TRPC5: variants seen among roughly 807,000 people sequenced by gnomAD.
TRPC5 encodes short transient receptor potential channel 5.
In TRPC5, 9 loss-of-function variants were observed where a neutral mutation model predicts 56.5. The observed-to-expected ratio is 0.16, with a 90% CI of 0.10 to 0.28. The LOEUF is 0.28. Among genes scored for constraint, TRPC5 ranks in the 10% least tolerant of loss-of-function variants. The pLI is 1.00. For synonymous variants in TRPC5, 282 were observed against 278.5 expected (o/e 1.01, Z -0.13); for missense variants, 469 against 748.9 (o/e 0.63, Z 4.36).
At position 111,769,812 on chromosome X, in the gene TRPC5, A is replaced by G. The variant is rs1474214059; in HGVS notation, c.*6501T>C. Among the ~76,000 whole-genome samples, 1 of 111,950 alleles carries G rather than the reference A, an allele frequency of 8.9e-6. No homozygotes were observed. Among genetic ancestry groups the G allele is most frequent in the Non-Finnish European group, 1.9e-5 (1 of 53,149 alleles). On this transcript the variant is annotated 3_prime_UTR_variant, in exon 11 of 11. Coordinates refer to ENST00000262839, the MANE Select transcript of TRPC5 (RefSeq NM_012471.3). ...TTTTTAACCAGAGAAAGTGGTACTCATCTTGACTACCACATGTTTTACCAA... is the reference window on the plus strand; with the variant it reads ...TTTTTAACCAGAGAAAGTGGTACTCGTCTTGACTACCACATGTTTTACCAA...
At chrX:111,878,383 C>A (rs1363943617) in intron 3 of TRPC5, among the ~76,000 whole-genome samples, 1 of 111,179 alleles carries the variant, frequency 9.0e-6, no homozygotes, top group East Asian at 2.8e-4. Context: ...ATTGGCTGAT[C>A]TCCCTGTTAG....
chrX:111,989,956 A>C (rs73548123), intron 1 of TRPC5, among the ~76,000 whole-genome samples: 7,246 of 112,331 alleles, frequency 0.065, 353 homozygotes, highest in African/African-American at 0.16. Context: ...AAATGAAGGC[A>C]CAAGAAGGTT....
At chrX:111,819,358 A>G (rs1921962667) in intron 7 of TRPC5, among the ~76,000 whole-genome samples, 1 of 111,591 alleles carries the variant, frequency 9.0e-6, no homozygotes, top group South Asian at 3.8e-4. Flanking sequence ...TGGGAGCACC[A>G]TTCTAGCAGA....
intron 7 of TRPC5, among the ~76,000 whole-genome samples, chrX:111,792,476 AT>A (rs1946030313): frequency 8.9e-6 from 1 of 111,846 alleles, no homozygotes; most frequent in African/African-American, 3.2e-5. Flanking sequence ...ATTTTAAAAA[AT>A]TAAAAAAAAG....
At chrX:111,826,962 T>C (rs191025211) in intron 7 of TRPC5, among the ~76,000 whole-genome samples, 1 of 111,666 alleles carries the variant, frequency 9.0e-6, no homozygotes, top group Admixed American at 9.5e-5. Flanking sequence ...GTTAGGGCCC[T>C]TGTAGTGAAA....
intron 1 of TRPC5, among the ~76,000 whole-genome samples, chrX:112,020,959 T>A (rs1003391322): frequency 2.8e-5 from 3 of 107,951 alleles, no homozygotes; most frequent in African/African-American, 1.0e-4. Flanking sequence ...AGTTGCCTGA[T>A]GCTTCAGGCC....
At chrX:111,992,895 A>AATT (rs1026070497) in intron 1 of TRPC5, among the ~76,000 whole-genome samples, 2 of 110,055 alleles carry the variant, frequency 1.8e-5, no homozygotes, top group Non-Finnish European at 3.8e-5. Flanking sequence ...CAGCCTTTAA[A>AATT]ATTATTATTA....
chrX:112,029,894 C>A (rs1286672794), intron 1 of TRPC5, among the ~76,000 whole-genome samples: 1 of 107,721 alleles, frequency 9.3e-6, no homozygotes, highest in East Asian at 3.0e-4. Context: ...ATGGCGCGAT[C>A]TCGACTCACC....
intron 7 of TRPC5, among the ~76,000 whole-genome samples, chrX:111,813,403 C>G (rs892898978): frequency 3.6e-5 from 4 of 112,086 alleles, no homozygotes; most frequent in Admixed American, 1.9e-4. Flanking sequence ...AGAGCACACC[C>G]TCAAATGTTG....
rs752541188 is a variant in TRPC5, at chrX:111,774,584, C to T, written c.*1729G>A. On this transcript the variant is annotated 3_prime_UTR_variant, in exon 11 of 11. Coordinates refer to ENST00000262839, the MANE Select transcript of TRPC5 (RefSeq NM_012471.3). ...AGCTTTTTCACTTGATCACTTTTTC[C>T]TGGATATGAGGCTTTATTCTTCAAA... 2 of 111,026 alleles carry T rather than the reference C, an allele frequency of 1.8e-5. No homozygotes were observed. The allele number at this position is 111,026 out of a possible 1,213,427, so 9.1% of individuals were successfully genotyped here.
At chrX:111,968,543 C>T (rs1195426816) in intron 1 of TRPC5, among the ~76,000 whole-genome samples, 1 of 110,063 alleles carries the variant, frequency 9.1e-6, no homozygotes, top group Non-Finnish European at 1.9e-5. Context: ...TATTGCGGCA[C>T]TATTCACAAT....
chrX:111,945,702 G>A (rs1926916277), intron 2 of TRPC5, among the ~76,000 whole-genome samples: 1 of 112,128 alleles, frequency 8.9e-6, no homozygotes, highest in African/African-American at 3.2e-5. Flanking sequence ...AAGAGCACAA[G>A]AGTCTGGGAT....
rs756777108 is a variant in TRPC5, at chrX:111,933,044, C to T, written c.378+18999G>A. 8.0e-5 allele frequency among the ~76,000 whole-genome samples: 9 copies of T among 112,468 alleles called. No individual in the cohort carries two copies. The South Asian group carries it at 3.3e-3, about 41-fold the overall frequency. Reference sequence around the variant, plus strand: ...TATTTATTTTCTGAAACGTTCCTCACTTGAACTGCCCTATCTACTGGCATC... The same window carrying T: ...TATTTATTTTCTGAAACGTTCCTCATTTGAACTGCCCTATCTACTGGCATC... On this transcript the variant is annotated intron_variant, in intron 2 of 10. Coordinates refer to ENST00000262839, the MANE Select transcript of TRPC5 (RefSeq NM_012471.3).
intron 2 of TRPC5, among the ~76,000 whole-genome samples, chrX:111,935,284 G>T (rs1396610736): frequency 8.9e-6 from 1 of 111,963 alleles, no homozygotes; most frequent in East Asian, 2.8e-4. Flanking sequence ...AAATGTCTTT[G>T]TAGATCTTTT....
chrX:112,015,828 A>T (rs17222650), intron 1 of TRPC5, among the ~76,000 whole-genome samples: 2,734 of 111,638 alleles, frequency 0.024, 36 homozygotes, highest in Middle Eastern at 0.051. Context: ...TAATAGGAGG[A>T]GGCCAGTAGC....
intron 7 of TRPC5, among the ~76,000 whole-genome samples, chrX:111,830,270 A>G (rs1032261457): frequency 2.7e-5 from 3 of 112,474 alleles, no homozygotes; most frequent in Non-Finnish European, 5.6e-5. Context: ...GTATCTAGGC[A>G]GTAACTAACT....
intron 3 of TRPC5, among the ~76,000 whole-genome samples, chrX:111,895,206 CT>C (rs2148610026): frequency 9.0e-6 from 1 of 111,377 alleles, no homozygotes; most frequent in South Asian, 3.8e-4. Flanking sequence ...TATTGTCAGT[CT>C]TTTTCATTTT....
rs137939389 is a variant in TRPC5 at position 111,770,984 on chromosome X, C to A, written c.*5329G>T. Among the ~76,000 whole-genome samples the A allele has an allele frequency of 1.8e-4, 20 of 112,008 alleles. 1 individual carries two copies. In the East Asian group the frequency reaches 5.3e-3, roughly 30 times the overall value. On this transcript the variant is annotated 3_prime_UTR_variant, in exon 11 of 11. Coordinates refer to ENST00000262839, the MANE Select transcript of TRPC5 (RefSeq NM_012471.3). The stretch of plus-strand genomic sequence containing the variant: ...GGATGTTAGGTTGCCCCAAAACCTG[C>A]TAAAGTCAAAGGGCAAATATGCTGA...
intron 1 of TRPC5, among the ~76,000 whole-genome samples, chrX:111,992,854 G>T (rs906886603): frequency 3.6e-5 from 4 of 110,031 alleles, no homozygotes; most frequent in African/African-American, 1.3e-4. Context: ...TCATCACCTT[G>T]GCCAAAGTGC....
Sources: gnomAD v4.1 joint callset for allele counts (sites outside exome capture counted in the v4.1 genomes callset) on GRCh38, gnomAD v4.1.1 for gene constraint, MANE v1.5 for transcripts, NCBI Gene and HGNC (gene_info 2026-07-23, HGNC 2026-07-21) for gene names.